The following STARD10 variants were observed in gnomAD, a reference collection of about 807,000 sequenced individuals.
STARD10 encodes the protein StAR related lipid transfer domain containing 10, also known as START domain-containing protein 10.
A neutral mutation model predicts 36.0 loss-of-function variants in STARD10; 24 were observed. That is an observed-to-expected ratio of 0.67 (90% CI 0.48 to 0.94). The LOEUF (loss-of-function observed/expected upper bound fraction) is 0.94, where lower values mean the gene tolerates loss of function less well. Among genes scored for constraint, STARD10 ranks in the 40% least tolerant of loss-of-function variants. The probability of loss-of-function intolerance (pLI) is 0.00; values close to 1 mark genes in which losing one functional copy is unlikely to be tolerated. For synonymous variants in STARD10, 156 were observed against 161.9 expected, an observed-to-expected ratio of 0.96 and a Z score of 0.28; for missense variants, 335 against 396.6, an observed-to-expected ratio of 0.84 and a Z score of 1.32.
chr11:72,768,959 C>T (rs1030830390), intron 2 of STARD10, among the ~76,000 whole-genome samples: 1 of 152,202 alleles, frequency 6.6e-6, no homozygotes, highest in East Asian at 1.9e-4. Flanking sequence ...AGCCCTGGTC[C>T]GTGGCCCTCA....
intron 2 of STARD10, 32 bp downstream of exon 2, chr11:72,780,943 G>A (rs1456701050): frequency 1.2e-6 from 2 of 1,608,468 alleles, no homozygotes; most frequent in Non-Finnish European, 1.7e-6. Context: ...TAAGGGTGCA[G>A]TGGAGGCTGC....
At chr11:72,761,917 CTTTTTTTTTTT>C (rs1189000490) in intron 2 of STARD10, among the ~76,000 whole-genome samples, 84 of 37,484 alleles carry the variant, frequency 2.2e-3, no homozygotes, top group South Asian at 8.7e-3. Context: ...CTTTTCTTTT[CTTTTTTTTTTT>C]TTTTTTTTTT....
rs1859003446 is a variant in STARD10 at position 72,781,832 on chromosome 11, G to A, written c.-113-538C>T. The A allele has an allele frequency of 5.7e-5, 1 of 17,466 alleles. No individual in the cohort carries two copies. The highest frequency in any genetic ancestry group is 1.3e-4 in the Non-Finnish European group (1 of 7,780). 1.1% of individuals were successfully genotyped at this position (17,466 alleles called of 1,614,324 possible). A position where few individuals can be genotyped will look rare whatever the true frequency, so the allele number is the denominator to read the frequency against. On this transcript the variant is annotated intron_variant, in intron 1 of 6. Coordinates refer to ENST00000334805, the MANE Select transcript of STARD10 (RefSeq NM_006645.3). The surrounding 1 kb of genome is among the most constrained non-coding windows in gnomAD (Gnocchi z 4.7). ...CCCGCGCGCCCCTCCCGGCTAGGCT[G>A]GGGGCTCGGGGGCTCGGGGGCTCGG... is the stretch of plus-strand genomic sequence containing the variant.
At chr11:72,770,366 T>C (rs12289879) in intron 2 of STARD10, among the ~76,000 whole-genome samples, 11,964 of 152,114 alleles carry the variant, frequency 0.079, 574 homozygotes, top group South Asian at 0.17. Flanking sequence ...TACAGGTGTG[T>C]GCCATCGCGC....
At position 72,781,068 on chromosome 11, in the gene STARD10, C is replaced by T. The variant is rs1411430576; in HGVS notation, c.114G>A (p.Glu38=). 1.9e-6 allele frequency: 3 copies of T among 1,614,068 alleles called. No individual in the cohort carries two copies. Among genetic ancestry groups the T allele is most frequent in the African/African-American group, 2.7e-5 (2 of 74,946 alleles). ...AGGTCAGGTTCCAGCCCACCTCAGC[C>T]TCACACTCTGACCGGAAGCTGCGAA... is the stretch of plus-strand genomic sequence containing the variant. ...QDFRSFRSEC[E]AEVGWNLTYS... Residue 38 remains glutamate, a synonymous_variant, in exon 2 of 7, where the codon GAG becomes GAA. Transcript: ENST00000334805. The surrounding 1 kb of genome is among the most constrained non-coding windows in gnomAD (Gnocchi z 4.7).
rs536554156 is a variant in STARD10, at chr11:72,780,920, G to T, written c.207+55C>A. 1.2e-4 allele frequency: 183 copies of T among 1,572,998 alleles called. No homozygotes were observed. In the African/African-American group the frequency reaches 1.9e-3, roughly 16 times the overall value. On this transcript the variant is annotated intron_variant, in intron 2 of 6. Coordinates refer to ENST00000334805, the MANE Select transcript of STARD10 (RefSeq NM_006645.3). ...CCCGGAGAGAGGACCAGGAGACTCCGGGAGAGAGGCAGTAAGGGTGCAGTG... is the reference window on the plus strand; with the variant it reads ...CCCGGAGAGAGGACCAGGAGACTCCTGGAGAGAGGCAGTAAGGGTGCAGTG...
intron 4 of STARD10, 90 bp from the exon 5 acceptor site, chr11:72,757,974 CACAT>C (rs1365175787): frequency 3.7e-6 from 4 of 1,079,134 alleles, no homozygotes; most frequent in African/African-American, 1.5e-5. Flanking sequence ...CGCGCACACA[CACAT>C]ACAGTTAATT....
chr11:72,781,204 G>A lies in STARD10; in HGVS notation c.-23C>T. 1.3e-6 allele frequency: 2 copies of A among 1,598,794 alleles called. No homozygotes were observed. Among genetic ancestry groups the A allele is most frequent in the Non-Finnish European group, 1.7e-6 (2 of 1,175,094 alleles). ...CATGGGGAGTGTGGGGAGGCCCAGG[G>A]CCCTGGTCCTAGTCCGGCTCTCCTG... On this transcript the variant is annotated 5_prime_UTR_variant, in exon 2 of 7. Transcript: ENST00000334805. The surrounding 1 kb of genome is among the most constrained non-coding windows in gnomAD (Gnocchi z 4.7).
chr11:72,792,210 C>T (rs569844833), intron 1 of STARD10, among the ~76,000 whole-genome samples: 2 of 151,624 alleles, frequency 1.3e-5, no homozygotes, highest in African/African-American at 2.4e-5. Flanking sequence ...CCACAACGCC[C>T]GGTTAATTTT....
At position 72,781,459 on chromosome 11, in the gene STARD10, C is replaced by A. The variant is rs1185717291; in HGVS notation, c.-113-165G>T. 2.0e-5 allele frequency among the ~76,000 whole-genome samples: 3 copies of A among 151,864 alleles called. No homozygotes were observed. Among genetic ancestry groups the A allele is most frequent in the African/African-American group, 7.2e-5 (3 of 41,388 alleles). On this transcript the variant is annotated intron_variant, in intron 1 of 6. Coordinates refer to ENST00000334805, the MANE Select transcript of STARD10 (RefSeq NM_006645.3). The surrounding 1 kb of genome is among the most constrained non-coding windows in gnomAD (Gnocchi z 4.7). ...TCCCCCTCCCGAGGAGCGCCCCAGACCCCCTGGGGCCGGCGTGGGGACTGC... is the reference window on the plus strand; with the variant it reads ...TCCCCCTCCCGAGGAGCGCCCCAGAACCCCTGGGGCCGGCGTGGGGACTGC...
intron 5 of STARD10, 107 bp downstream of exon 5, chr11:72,757,660 G>T: frequency 3.0e-6 from 3 of 1,004,764 alleles, no homozygotes; most frequent in Non-Finnish European, 4.5e-6. Context: ...GCCCCAAAAT[G>T]CAAAACAGCT....
chr11:72,792,356 A>C (rs376400848), intron 1 of STARD10, among the ~76,000 whole-genome samples: 1 of 152,082 alleles, frequency 6.6e-6, no homozygotes, highest in East Asian at 1.9e-4. Flanking sequence ...TGCCTGGCCT[A>C]TCTGGGATAT....
chr11:72,767,602 T>C (rs547951495), intron 2 of STARD10, among the ~76,000 whole-genome samples: 1 of 152,152 alleles, frequency 6.6e-6, no homozygotes, highest in South Asian at 2.1e-4. Flanking sequence ...ATGCAGCACT[T>C]TGCTGACCAG....
intron 1 of STARD10, chr11:72,783,645 C>T (rs1337075904): frequency 6.5e-6 from 1 of 152,844 alleles, no homozygotes; most frequent in East Asian, 1.9e-4. Context: ...GAACTGTATC[C>T]TCTTGGATCT....
rs1859174930 is a variant in STARD10, at chr11:72,793,487, CT to C, written c.-727del. On this transcript the variant is annotated 5_prime_UTR_variant, in exon 1 of 7. In the 5' UTR this introduces an upstream ATG that the reference lacks. Transcript: ENST00000334805. ...TGATCCTTCCCTGGTCCTTTACTCT[CT>C]ATGATGCTGGAAATCTGCCTGACTT... 1 of 152,268 alleles carries C rather than the reference CT, an allele frequency of 6.6e-6. No homozygotes were observed. The highest frequency in any genetic ancestry group is 1.5e-5 in the Non-Finnish European group (1 of 68,066). 9.4% of individuals were successfully genotyped at this position (152,268 alleles called of 1,614,324 possible).
chr11:72,760,172 A>C (rs1242411179), intron 2 of STARD10, among the ~76,000 whole-genome samples: 1 of 151,904 alleles, frequency 6.6e-6, no homozygotes, highest in Non-Finnish European at 1.5e-5. Context: ...AAGTGCTGGG[A>C]TTACAGGTGT....
chr11:72,778,658 G>A (rs1315928187), intron 2 of STARD10, among the ~76,000 whole-genome samples: 1 of 152,190 alleles, frequency 6.6e-6, no homozygotes, highest in Non-Finnish European at 1.5e-5. Context: ...GCAGGGAGAA[G>A]CAAGGCAGGA....
At chr11:72,762,383 C>T (rs928249455) in intron 2 of STARD10, among the ~76,000 whole-genome samples, 10 of 152,086 alleles carry the variant, frequency 6.6e-5, no homozygotes, top group Non-Finnish European at 1.2e-4. Flanking sequence ...CTTACAGCAG[C>T]GCTCTGGGAT....
At chr11:72,755,553 C>T (rs1858632794) in intron 6 of STARD10, 148 bp downstream of exon 6, 1 of 892,850 alleles carries the variant, frequency 1.1e-6, no homozygotes, top group African/African-American at 1.7e-5. Flanking sequence ...TCAGGTAATC[C>T]ACCTGCCAAG....
Sources: allele counts gnomAD v4.1 joint callset (sites outside exome capture counted in the v4.1 genomes callset), GRCh38; gene constraint gnomAD v4.1.1; non-coding constraint Gnocchi (gnomAD v3.1); transcripts MANE v1.5; gene names NCBI Gene and HGNC (gene_info 2026-07-23, HGNC 2026-07-21).